The following LONP2 variants were observed in gnomAD, a reference collection of about 807,000 sequenced individuals.
LONP2 encodes lon peptidase 2, peroxisomal.
In LONP2, 60 loss-of-function variants were observed where a neutral mutation model predicts 85.6. The observed-to-expected ratio is 0.70, with a 90% CI of 0.57 to 0.87. The LOEUF (loss-of-function observed/expected upper bound fraction) is 0.87. Ranked by LOEUF, LONP2 falls within the 40% of genes least tolerant of loss-of-function variation. The pLI is 0.00. For synonymous variants in LONP2, 395 were observed against 389.7 expected, an observed-to-expected ratio of 1.01 and a Z score of -0.16; for missense variants, 860 against 1,063.5, an observed-to-expected ratio of 0.81 and a Z score of 2.66.
At chr16:48,267,903 A>C (rs1596925596) in intron 6 of LONP2, among the ~76,000 whole-genome samples, 2 of 152,330 alleles carry the variant, frequency 1.3e-5, no homozygotes, top group South Asian at 4.1e-4. Context: ...GGTGTGAGCC[A>C]CCGAGCCTGG....
At chr16:48,257,612 A>G (rs56039807) in intron 3 of LONP2, among the ~76,000 whole-genome samples, 1,863 of 152,348 alleles carry the variant, frequency 0.012, 39 homozygotes, top group African/African-American at 0.042. Flanking sequence ...TATTTTTAAG[A>G]TATTTTTAAA....
At chr16:48,323,320 TTTTG>T (rs750626016) in intron 11 of LONP2, among the ~76,000 whole-genome samples, 3 of 152,176 alleles carry the variant, frequency 2.0e-5, no homozygotes, top group Admixed American at 1.3e-4. Context: ...GCAGATACCC[TTTTG>T]TTTGTTTGTT....
At chr16:48,287,449 G>T (rs1413388921) in intron 8 of LONP2, among the ~76,000 whole-genome samples, 1 of 152,382 alleles carries the variant, frequency 6.6e-6, no homozygotes, top group South Asian at 2.1e-4. Context: ...TGCTAAAACA[G>T]TTGCCACTGG....
At chr16:48,341,826 G>T (rs2151029458) in intron 12 of LONP2, among the ~76,000 whole-genome samples, 1 of 152,292 alleles carries the variant, frequency 6.6e-6, no homozygotes, top group South Asian at 2.1e-4. Context: ...GTGTCCCCAG[G>T]AAGCCTAGGC....
chr16:48,347,705 C>G lies in LONP2; in HGVS notation c.2137C>G (p.Leu713Val). ...CCGCAGCAACGCAAAGAAGTACCAG[C>G]TGACCAATGGTAGGAGCCTGCACCC... Reference protein sequence around the residue: ...WLRSNAKKYQLTNAFGSFDLL... With the variant: ...WLRSNAKKYQVTNAFGSFDLL... Residue 713 changes from leucine to valine, a missense_variant, in exon 13 of 15, where the codon CTG (leucine) becomes GTG (valine). Leu to Val is a conservative substitution (Grantham distance 32, BLOSUM62 1). Transcript: ENST00000285737. 1 of 1,612,934 alleles carries G rather than the reference C, an allele frequency of 6.2e-7. No individual in the cohort carries two copies. Among genetic ancestry groups the G allele is most frequent in the Non-Finnish European group, 8.5e-7 (1 of 1,179,738 alleles).
intron 10 of LONP2, among the ~76,000 whole-genome samples, chr16:48,300,323 G>A (rs564856624): frequency 1.3e-5 from 2 of 152,334 alleles, no homozygotes; most frequent in South Asian, 2.1e-4. Flanking sequence ...TAGAGAAGGT[G>A]CCTTCCCAAG....
intron 11 of LONP2, among the ~76,000 whole-genome samples, chr16:48,325,547 A>G (rs1037972127): frequency 2.0e-5 from 3 of 152,346 alleles, no homozygotes; most frequent in Admixed American, 6.5e-5. Flanking sequence ...TTCACTTAAT[A>G]TAATGTCCTC....
At chr16:48,260,933 T>G (rs931828229) in intron 4 of LONP2, among the ~76,000 whole-genome samples, 3 of 151,938 alleles carry the variant, frequency 2.0e-5, no homozygotes, top group Admixed American at 2.0e-4. Flanking sequence ...AAACTAGAGG[T>G]AAGAAAAAAA....
intron 4 of LONP2, among the ~76,000 whole-genome samples, chr16:48,261,116 A>G (rs1971865247): frequency 6.6e-6 from 1 of 152,180 alleles, no homozygotes; most frequent in Non-Finnish European, 1.5e-5. Context: ...AGCTCAAAGA[A>G]AGGTAATTCC....
At chr16:48,325,393 C>T (rs1973349711) in intron 11 of LONP2, among the ~76,000 whole-genome samples, 1 of 152,186 alleles carries the variant, frequency 6.6e-6, no homozygotes, top group African/African-American at 2.4e-5. Flanking sequence ...TACCCATTGA[C>T]CAATCTCTCC....
intron 12 of LONP2, among the ~76,000 whole-genome samples, chr16:48,335,570 A>T (rs184559185): frequency 6.0e-4 from 91 of 152,366 alleles, no homozygotes; most frequent in African/African-American, 2.0e-3. Flanking sequence ...TAGCTTTATC[A>T]TCACCTCCTT....
intron 4 of LONP2, among the ~76,000 whole-genome samples, chr16:48,260,593 T>C (rs1446209397): frequency 6.6e-6 from 1 of 152,204 alleles, no homozygotes; most frequent in African/African-American, 2.4e-5. Flanking sequence ...AGCTTGACCT[T>C]GTCTCAAAAA....
At chr16:48,312,145 G>T (rs1228239937) in intron 11 of LONP2, among the ~76,000 whole-genome samples, 2 of 151,934 alleles carry the variant, frequency 1.3e-5, no homozygotes, top group African/African-American at 4.8e-5. Flanking sequence ...GTTTCACCTT[G>T]TTGGCCAGGC....
intron 6 of LONP2, among the ~76,000 whole-genome samples, chr16:48,265,185 A>C (rs1215043308): frequency 6.6e-6 from 1 of 151,924 alleles, no homozygotes; most frequent in African/African-American, 2.4e-5. Context: ...ATTTTGCTGA[A>C]CTTTTTTTAT....
At chr16:48,304,030 G>T (rs1311185724) in intron 11 of LONP2, among the ~76,000 whole-genome samples, 1 of 152,112 alleles carries the variant, frequency 6.6e-6, no homozygotes, top group East Asian at 1.9e-4. Context: ...CAGACACACT[G>T]GAACAATACT....
intron 11 of LONP2, among the ~76,000 whole-genome samples, chr16:48,312,163 G>C (rs1286921867): frequency 1.3e-5 from 2 of 151,986 alleles, no homozygotes; most frequent in Non-Finnish European, 2.9e-5. Flanking sequence ...GGCAGGTCTT[G>C]AACTCCTGGC....
intron 2 of LONP2, among the ~76,000 whole-genome samples, chr16:48,253,120 C>G (rs1277747288): frequency 6.6e-6 from 1 of 152,048 alleles, no homozygotes; most frequent in Non-Finnish European, 1.5e-5. Context: ...GTATTTGTAT[C>G]TGATGTGGCA....
Position 48,356,312 on chromosome 16 carries a change from AC to A in LONP2, c.*4511del, listed in dbSNP as rs1194708345. 1 of 153,368 alleles carries A rather than the reference AC, an allele frequency of 6.5e-6. No homozygotes were observed. The highest frequency in any genetic ancestry group is 2.4e-5 in the African/African-American group (1 of 41,432). 9.5% of individuals were successfully genotyped at this position (153,368 alleles called of 1,614,324 possible). On this transcript the variant is annotated 3_prime_UTR_variant, in exon 15 of 15. Coordinates refer to ENST00000285737, the MANE Select transcript of LONP2 (RefSeq NM_031490.5). The stretch of plus-strand genomic sequence containing the variant: ...TTTATGAACTACTGAAATGAGGTCA[AC>A]TTGACTATTACTAAGGGACATTTTG...
In LONP2 at chr16:48,262,815, C is replaced by T; in HGVS notation, c.925C>T (p.Leu309=). 1 of 1,612,476 alleles carries T rather than the reference C, an allele frequency of 6.2e-7. No homozygotes were observed. The highest frequency in any genetic ancestry group is 8.5e-7 in the Non-Finnish European group (1 of 1,179,160). ...KMPQSMPEYA[L]TRNYLELMVE... The stretch of plus-strand genomic sequence containing the variant: ...GCCTCAGTCAATGCCAGAATATGCT[C>T]TGACTAGAAATTATTTGGAACTTAT... Residue 309 remains leucine (L), a synonymous_variant, in exon 6 of 15, where the codon CTG becomes TTG. Coordinates refer to ENST00000285737, the MANE Select transcript of LONP2 (RefSeq NM_031490.5).
Sources: allele counts gnomAD v4.1 joint callset (sites outside exome capture counted in the v4.1 genomes callset), GRCh38; gene constraint gnomAD v4.1.1; transcripts MANE v1.5; gene names NCBI Gene and HGNC (gene_info 2026-07-23, HGNC 2026-07-21).